Variants in GABRG3 observed in about 807,000 individuals in gnomAD.
GABRG3 encodes gamma-aminobutyric acid receptor subunit gamma-3.
A neutral mutation model predicts 48.8 loss-of-function variants in GABRG3; 25 were observed. The ratio of observed to expected loss-of-function variants is 0.51; its 90% confidence interval spans 0.37 to 0.72. GABRG3 has a LOEUF of 0.72. Among genes scored for constraint, GABRG3 ranks in the 30% least tolerant of loss-of-function variants. GABRG3 has a pLI of 0.00. For synonymous variants in GABRG3, 227 were observed against 217.6 expected (o/e 1.04, Z -0.38); for missense variants, 394 against 577.9 (o/e 0.68, Z 3.26).
intron 3 of GABRG3, among the ~76,000 whole-genome samples, chr15:27,248,542 A>G (rs1890335605): frequency 6.6e-6 from 1 of 152,306 alleles, no homozygotes; most frequent in Non-Finnish European, 1.5e-5. Flanking sequence ...CAGCACACGC[A>G]TCTCAGACAC....
chr15:27,117,864 C>T (rs1897669204), intron 3 of GABRG3, among the ~76,000 whole-genome samples: 1 of 152,122 alleles, frequency 6.6e-6, no homozygotes, highest in African/African-American at 2.4e-5. Context: ...AGAATGCCCT[C>T]TAGAGAAAGG....
In GABRG3 at chr15:27,284,498, T is replaced by A. The variant is rs77401729; in HGVS notation, c.271-42311T>A. On this transcript the variant is annotated intron_variant, in intron 3 of 9. Coordinates refer to ENST00000615808, the MANE Select transcript of GABRG3 (RefSeq NM_033223.5). Reference sequence around the variant, plus strand: ...TTTCTGTGTGTAACCTACATTTCTGTGTCTCACACACTCTCTCTCTCACAC... The same window carrying A: ...TTTCTGTGTGTAACCTACATTTCTGAGTCTCACACACTCTCTCTCTCACAC... Among the ~76,000 whole-genome samples, 1,126 of 152,332 alleles carry A rather than the reference T, an allele frequency of 7.4e-3. 9 individuals are homozygous for A. The highest frequency in any genetic ancestry group is 0.011 in the Non-Finnish European group (779 of 68,028).
At chr15:27,321,281 C>T (rs1007246354) in intron 3 of GABRG3, among the ~76,000 whole-genome samples, 2 of 152,276 alleles carry the variant, frequency 1.3e-5, no homozygotes, top group African/African-American at 2.4e-5. Flanking sequence ...CACAGTGCCC[C>T]GCAAAGGACT....
At chr15:27,129,520 G>A (rs1897878878) in intron 3 of GABRG3, among the ~76,000 whole-genome samples, 1 of 152,060 alleles carries the variant, frequency 6.6e-6, no homozygotes, top group Non-Finnish European at 1.5e-5. Context: ...ACAAATATCT[G>A]CCTGAGTCCC....
chr15:27,433,181 G>A (rs1235735177), intron 5 of GABRG3, among the ~76,000 whole-genome samples: 1 of 152,170 alleles, frequency 6.6e-6, no homozygotes, highest in Non-Finnish European at 1.5e-5. Flanking sequence ...AATGCTTCTA[G>A]TTTTTGCCCA....
At chr15:27,230,020 A>G (rs1041024391) in intron 3 of GABRG3, among the ~76,000 whole-genome samples, 2 of 152,198 alleles carry the variant, frequency 1.3e-5, no homozygotes, top group African/African-American at 4.8e-5. Flanking sequence ...GATTCTTCCT[A>G]TCCATGAGCA....
At chr15:27,081,408 T>C (rs1381756536) in intron 3 of GABRG3, among the ~76,000 whole-genome samples, 3 of 151,998 alleles carry the variant, frequency 2.0e-5, no homozygotes, top group Non-Finnish European at 4.4e-5. Context: ...ATTGTACTTT[T>C]ATTAAATATT....
intron 3 of GABRG3, among the ~76,000 whole-genome samples, chr15:27,168,906 C>A (rs1000598791): frequency 6.6e-6 from 1 of 152,188 alleles, no homozygotes; most frequent in Non-Finnish European, 1.5e-5. Context: ...CAAGTTCTTG[C>A]AGAGGAATTA....
intron 3 of GABRG3, among the ~76,000 whole-genome samples, chr15:27,220,722 G>T (rs1376691793): frequency 1.3e-5 from 2 of 152,114 alleles, no homozygotes; most frequent in African/African-American, 4.8e-5. Flanking sequence ...CTGTCTTCTT[G>T]CCTATTGGGT....
rs145779538 is a variant in GABRG3, at chr15:27,090,392, G to A, written c.270+63571G>A. On this transcript the variant is annotated intron_variant, in intron 3 of 9. Transcript: ENST00000615808. ...AGGTAACCCCATTGTAAGCTGAGCA[G>A]CACCTGCGTTTAGGAGTGGAATTGT... is the stretch of plus-strand genomic sequence containing the variant. Among the ~76,000 whole-genome samples the A allele has an allele frequency of 1.5e-3, 221 of 152,278 alleles. 1 individual carries two copies. Among genetic ancestry groups the A allele is most frequent in the East Asian group, 6.4e-3 (33 of 5,176 alleles).
chr15:27,090,624 A>G (rs550813139), intron 3 of GABRG3, among the ~76,000 whole-genome samples: 4 of 152,202 alleles, frequency 2.6e-5, no homozygotes, highest in African/African-American at 9.6e-5. Context: ...ACATTTTACT[A>G]ATGAATCTAG....
chr15:27,306,419 A>G (rs1345030113), intron 3 of GABRG3, among the ~76,000 whole-genome samples: 2 of 140,382 alleles, frequency 1.4e-5, no homozygotes, highest in Non-Finnish European at 3.0e-5. Flanking sequence ...AAACATGTCT[A>G]CATGTAAACA....
chr15:27,363,053 C>G (rs553417109), intron 5 of GABRG3: 4 of 152,138 alleles, frequency 2.6e-5, no homozygotes, highest in Non-Finnish European at 5.9e-5. Context: ...GTACATAATT[C>G]ATTACAATTT....
chr15:27,088,463 G>A (rs1288092286), intron 3 of GABRG3, among the ~76,000 whole-genome samples: 3 of 152,140 alleles, frequency 2.0e-5, no homozygotes, highest in Non-Finnish European at 2.9e-5. Context: ...GCTGTGTGCC[G>A]GGCAGGCTGC....
chr15:27,427,839 G>C lies in GABRG3; in HGVS notation c.575-52811G>C, dbSNP rs143928931. On this transcript the variant is annotated intron_variant, in intron 5 of 9. Transcript: ENST00000615808. Reference sequence around the variant, plus strand: ...CAAGATACATCCCTCCCATCCTCTGGAGTGGCTTGTTAATTTCAACTTCTC... The same window carrying C: ...CAAGATACATCCCTCCCATCCTCTGCAGTGGCTTGTTAATTTCAACTTCTC... 5.2e-3 allele frequency among the ~76,000 whole-genome samples: 786 copies of C among 152,086 alleles called. 9 individuals carry two copies. Among genetic ancestry groups the C allele is most frequent in the African/African-American group, 0.017 (714 of 41,490 alleles).
rs561136641 is a variant in GABRG3 at position 26,980,796 on chromosome 15, T to C, written c.202+3646T>C. Among the ~76,000 whole-genome samples the C allele has an allele frequency of 1.3e-4, 20 of 152,282 alleles. No homozygotes were observed. The South Asian group carries it at 4.1e-3, about 32-fold the overall frequency. On this transcript the variant is annotated intron_variant, in intron 2 of 9. Coordinates refer to ENST00000615808, the MANE Select transcript of GABRG3 (RefSeq NM_033223.5). ...TTTAATTTCATCCCATGAATTTTGG[T>C]ATGTTGTATTTTCATTTTCATTCAG... is the stretch of plus-strand genomic sequence containing the variant.
chr15:27,026,418 G>C (rs1001534039), intron 2 of GABRG3, among the ~76,000 whole-genome samples: 1 of 152,140 alleles, frequency 6.6e-6, no homozygotes, highest in African/African-American at 2.4e-5. Flanking sequence ...AGCTCACCTT[G>C]TATCTCCTAT....
intron 3 of GABRG3, among the ~76,000 whole-genome samples, chr15:27,263,749 T>G (rs1325585736): frequency 1.3e-5 from 2 of 151,888 alleles, no homozygotes; most frequent in East Asian, 3.9e-4. Context: ...GGTCCCATGT[T>G]TAGACAACCA....
At chr15:27,309,458 A>T (rs939052889) in intron 3 of GABRG3, among the ~76,000 whole-genome samples, 2 of 152,024 alleles carry the variant, frequency 1.3e-5, no homozygotes, top group African/African-American at 4.8e-5. Context: ...ACATCTACAT[A>T]TAAAAAATGA....
Sources: allele counts gnomAD v4.1 joint callset (sites outside exome capture counted in the v4.1 genomes callset), GRCh38; gene constraint gnomAD v4.1.1; transcripts MANE v1.5; gene names NCBI Gene and HGNC (gene_info 2026-07-23, HGNC 2026-07-21).